The following TNFSF4 variants were observed in gnomAD, a reference collection of about 807,000 sequenced individuals.
The protein encoded by TNFSF4 is TNF superfamily member 4, also known as tumor necrosis factor ligand superfamily member 4.
Under a neutral mutation model 7.3 loss-of-function variants are expected in TNFSF4, and 4 were observed. The observed-to-expected ratio is 0.55, with a 90% CI of 0.27 to 1.25. The LOEUF (loss-of-function observed/expected upper bound fraction) is 1.25. Ranked by LOEUF, TNFSF4 falls within the 50% of genes most tolerant of loss-of-function variation. The pLI is 0.12. For synonymous variants in TNFSF4, 76 were observed against 83.7 expected, an observed-to-expected ratio of 0.91 and a Z score of 0.50; for missense variants, 181 against 208.8, an observed-to-expected ratio of 0.87 and a Z score of 0.82.
In TNFSF4 at chr1:173,206,949, A is replaced by G. The variant is rs1650223126; in HGVS notation, c.153+75T>C. The stretch of plus-strand genomic sequence containing the variant: ...CACTTTTGGCATAAGATTATTTCCA[A>G]GCGACTGTTTGCAGCTGTTGCAGCT... On this transcript the variant is annotated intron_variant, in intron 1 of 2. Transcript: ENST00000281834. 6 of 1,489,104 alleles carry G rather than the reference A, an allele frequency of 4.0e-6. No individual in the cohort carries two copies. In the African/African-American group the frequency reaches 8.4e-5, roughly 21 times the overall value. The allele number at this position is 1,489,104 out of a possible 1,614,324, so 92.2% of individuals were successfully genotyped here. A position where few individuals can be genotyped will look rare whatever the true frequency, so the allele number is the denominator to read the frequency against.
upstream of TNFSF4, among the ~76,000 whole-genome samples, chr1:173,210,322 A>G (rs912969521): frequency 9.2e-5 from 14 of 151,776 alleles, no homozygotes; most frequent in Non-Finnish European, 7.4e-5. Flanking sequence ...GTGCAGGGGG[A>G]CAGGTGCTAA....
chr1:173,445,880 A>G, the TNFSF4 span, among the ~76,000 whole-genome samples: 1 of 152,210 alleles, frequency 6.6e-6, no homozygotes, highest in Non-Finnish European at 1.5e-5. Context: ...AAAGCTGCCA[A>G]GTAGAGGTTC....
At chr1:173,328,542 AT>A in the TNFSF4 span, among the ~76,000 whole-genome samples, 5 of 150,888 alleles carry the variant, frequency 3.3e-5, no homozygotes, top group Non-Finnish European at 7.4e-5. Context: ...TATCTTCGTA[AT>A]AAAAAAAAAA....
intron 1 of TNFSF4, 94 bp from the exon 2 acceptor site, chr1:173,188,663 G>T (rs879016843): frequency 9.6e-5 from 99 of 1,026,188 alleles, no homozygotes; most frequent in Middle Eastern, 2.1e-4. Flanking sequence ...CAGAAATGCA[G>T]TAGCCTGTAG....
chr1:173,274,868 G>C, the TNFSF4 span, among the ~76,000 whole-genome samples: 1 of 152,018 alleles, frequency 6.6e-6, no homozygotes, highest in East Asian at 1.9e-4. Flanking sequence ...GTTTAATAAA[G>C]AGTATCTTTA....
chr1:173,370,300 C>T, the TNFSF4 span, among the ~76,000 whole-genome samples: 2 of 152,078 alleles, frequency 1.3e-5, no homozygotes, highest in African/African-American at 4.8e-5. Flanking sequence ...TTGGAGATAC[C>T]TGGTATCTTA....
the TNFSF4 span, among the ~76,000 whole-genome samples, chr1:173,440,264 T>C: frequency 3.9e-5 from 6 of 152,206 alleles, no homozygotes; most frequent in Non-Finnish European, 8.8e-5. Flanking sequence ...TTCCATGACA[T>C]ATTTTGTTAA....
chr1:173,415,727 A>C, the TNFSF4 span, among the ~76,000 whole-genome samples: 2 of 152,226 alleles, frequency 1.3e-5, no homozygotes, highest in African/African-American at 4.8e-5. Context: ...TCACAGGTGC[A>C]AGTAAGAATG....
At chr1:173,197,149 G>A (rs958152550) in intron 1 of TNFSF4, among the ~76,000 whole-genome samples, 1 of 152,144 alleles carries the variant, frequency 6.6e-6, no homozygotes, top group Non-Finnish European at 1.5e-5. Context: ...TAGTCAGAAT[G>A]GCCATTATTA....
the TNFSF4 span, among the ~76,000 whole-genome samples, chr1:173,436,434 G>T: frequency 5.9e-5 from 9 of 152,106 alleles, no homozygotes; most frequent in African/African-American, 2.2e-4. Context: ...TTTTGAGACG[G>T]AGTCTTACTC....
the TNFSF4 span, among the ~76,000 whole-genome samples, chr1:173,227,894 C>T: frequency 2.0e-5 from 3 of 152,180 alleles, no homozygotes; most frequent in African/African-American, 4.8e-5. Context: ...GGGGGAGGGG[C>T]GCCCACCATT....
the TNFSF4 span, among the ~76,000 whole-genome samples, chr1:173,390,737 C>CTTTT: frequency 1.2e-3 from 155 of 131,428 alleles, no homozygotes; most frequent in Non-Finnish European, 1.4e-3. Context: ...CATTCTGCTT[C>CTTTT]TTTTTTTTTT....
the TNFSF4 span, among the ~76,000 whole-genome samples, chr1:173,306,136 T>C: frequency 6.6e-6 from 1 of 151,918 alleles, no homozygotes. Flanking sequence ...GAAGGAGATT[T>C]TTTCCCCTTT....
At chr1:173,312,886 C>T in the TNFSF4 span, among the ~76,000 whole-genome samples, 6,741 of 152,156 alleles carry the variant, frequency 0.044, 456 homozygotes, top group African/African-American at 0.15. Flanking sequence ...TTGGAGACAC[C>T]AACATCTTTG....
the TNFSF4 span, among the ~76,000 whole-genome samples, chr1:173,264,517 C>T: frequency 6.6e-6 from 1 of 152,112 alleles, no homozygotes; most frequent in African/African-American, 2.4e-5. Flanking sequence ...CTAAATCTTA[C>T]ATTCAAGTAT....
chr1:173,407,287 A>T, the TNFSF4 span, among the ~76,000 whole-genome samples: 1 of 151,990 alleles, frequency 6.6e-6, no homozygotes, highest in Non-Finnish European at 1.5e-5. Context: ...AGAAGTTACA[A>T]ATCTGGCCAG....
At chr1:173,287,290 G>C in the TNFSF4 span, among the ~76,000 whole-genome samples, 3 of 152,176 alleles carry the variant, frequency 2.0e-5, no homozygotes, top group African/African-American at 7.2e-5. Context: ...AGCAGTAATT[G>C]TGCCACTGCA....
chr1:173,366,729 A>G, the TNFSF4 span, among the ~76,000 whole-genome samples: 1 of 152,142 alleles, frequency 6.6e-6, no homozygotes, highest in Non-Finnish European at 1.5e-5. Flanking sequence ...GTATCAAAAT[A>G]TCTCATGCAA....
chr1:173,190,178 G>A (rs972023007), intron 1 of TNFSF4, among the ~76,000 whole-genome samples: 13 of 152,130 alleles, frequency 8.5e-5, no homozygotes, highest in Non-Finnish European at 2.9e-5. Context: ...GCTCCATCCT[G>A]AGGGACATAG....
Sources: allele counts gnomAD v4.1 joint callset (sites outside exome capture counted in the v4.1 genomes callset), GRCh38; gene constraint gnomAD v4.1.1; transcripts MANE v1.5; gene names NCBI Gene and HGNC (gene_info 2026-07-23, HGNC 2026-07-21).